Variants in LGR5 observed in about 807,000 individuals in gnomAD.
LGR5 encodes the protein leucine rich repeat containing G protein-coupled receptor 5, also known as leucine-rich repeat-containing G protein-coupled receptor 5.
Under a neutral mutation model 76.7 loss-of-function variants are expected in LGR5, and 54 were observed. That is an observed-to-expected ratio of 0.70 (90% confidence interval 0.57 to 0.88). LGR5 has a LOEUF of 0.88. Among genes scored for constraint, LGR5 ranks in the 40% least tolerant of loss-of-function variants. The pLI is 0.00. For missense variants in LGR5, 1,078 were observed against 1,073.3 expected (o/e 1.00, Z -0.06); for synonymous variants, 406 against 421.9 (o/e 0.96, Z 0.46).
intron 1 of LGR5, among the ~76,000 whole-genome samples, chr12:71,483,953 T>G (rs1873720375): frequency 1.3e-5 from 2 of 152,190 alleles, no homozygotes; most frequent in South Asian, 4.1e-4. Context: ...AGTATGGAGA[T>G]GTATTAATCA....
intron 1 of LGR5, among the ~76,000 whole-genome samples, chr12:71,451,879 C>A (rs1872264925): frequency 6.6e-6 from 1 of 152,088 alleles, no homozygotes; most frequent in Admixed American, 6.5e-5. Flanking sequence ...CTTTCATATG[C>A]AAACCAACCA....
chr12:71,457,379 G>C (rs1872525083), intron 1 of LGR5, among the ~76,000 whole-genome samples: 1 of 152,088 alleles, frequency 6.6e-6, no homozygotes, highest in South Asian at 2.1e-4. Context: ...CTTTGATCAG[G>C]AAGATAAACT....
At position 71,585,148 on chromosome 12, in the gene LGR5, G is replaced by A. The variant is rs1013718041; in HGVS notation, c.*414G>A. The A allele has an allele frequency of 6.1e-6, 1 of 164,492 alleles. No individual in the cohort carries two copies. Among genetic ancestry groups the A allele is most frequent in the African/African-American group, 2.4e-5 (1 of 41,632 alleles). 10.2% of individuals were successfully genotyped at this position (164,492 alleles called of 1,614,324 possible). On this transcript the variant is annotated 3_prime_UTR_variant, in exon 18 of 18. Transcript: ENST00000266674. ...CTCAAGAGGTTGTTGGGGGAATTAG[G>A]AAAATAAGGGTTTTCAATGACCTAC...
At chr12:71,562,188 T>C (rs557783685) in intron 8 of LGR5, among the ~76,000 whole-genome samples, 1 of 152,334 alleles carries the variant, frequency 6.6e-6, no homozygotes, top group Admixed American at 6.5e-5. Context: ...CATTCTGAAC[T>C]TAAACCCGAG....
At chr12:71,528,508 T>C (rs1197288829) in intron 3 of LGR5, among the ~76,000 whole-genome samples, 1 of 152,034 alleles carries the variant, frequency 6.6e-6, no homozygotes, top group Non-Finnish European at 1.5e-5. Context: ...GTAGAAGAAT[T>C]ACCTCAAAAG....
At chr12:71,484,350 T>C (rs1873737558) in intron 1 of LGR5, among the ~76,000 whole-genome samples, 1 of 152,198 alleles carries the variant, frequency 6.6e-6, no homozygotes, top group African/African-American at 2.4e-5. Context: ...TTTTGAGATA[T>C]GTAGAACTGT....
chr12:71,553,345 T>G, intron 5 of LGR5, 57 bp downstream of exon 5: 1 of 1,468,994 alleles, frequency 6.8e-7, no homozygotes, highest in South Asian at 1.1e-5. Context: ...TGGAAGACCT[T>G]GGCCTTAAAA....
intron 3 of LGR5, among the ~76,000 whole-genome samples, chr12:71,532,447 T>C (rs1003401318): frequency 2.0e-5 from 3 of 152,176 alleles, no homozygotes; most frequent in South Asian, 2.1e-4. Context: ...GAAATTTTAA[T>C]TGAATCTAAA....
intron 2 of LGR5, among the ~76,000 whole-genome samples, chr12:71,508,751 T>TC (rs1416956656): frequency 3.2e-3 from 111 of 34,212 alleles, no homozygotes; most frequent in Non-Finnish European, 4.8e-3. Context: ...AGACTCAGTC[T>TC]CAAAAAAAAA....
At chr12:71,488,650 G>A (rs1361947647) in intron 1 of LGR5, among the ~76,000 whole-genome samples, 2 of 152,148 alleles carry the variant, frequency 1.3e-5, no homozygotes, top group Non-Finnish European at 2.9e-5. Flanking sequence ...AGATACATGA[G>A]GCTCTATTTT....
intron 1 of LGR5, among the ~76,000 whole-genome samples, chr12:71,492,677 G>A (rs1874126330): frequency 6.6e-6 from 1 of 152,174 alleles, no homozygotes; most frequent in Non-Finnish European, 1.5e-5. Context: ...AACAGAGGAA[G>A]TTAGGGACTG....
chr12:71,493,272 A>C (rs894071637), intron 1 of LGR5, among the ~76,000 whole-genome samples: 2 of 151,166 alleles, frequency 1.3e-5, no homozygotes, highest in Non-Finnish European at 2.9e-5. Context: ...TCCTTTCCTC[A>C]GGCTTATCCC....
chr12:71,478,263 C>T (rs572207604), intron 1 of LGR5, among the ~76,000 whole-genome samples: 2 of 152,226 alleles, frequency 1.3e-5, no homozygotes, highest in African/African-American at 4.8e-5. Context: ...CTTATTGGCT[C>T]TTGAGAGGCT....
intron 4 of LGR5, among the ~76,000 whole-genome samples, chr12:71,548,669 C>T (rs1877319716): frequency 6.6e-6 from 1 of 151,882 alleles, no homozygotes; most frequent in South Asian, 2.1e-4. Context: ...AGAAAGCAAC[C>T]CTATAAGATG....
intron 6 of LGR5, among the ~76,000 whole-genome samples, chr12:71,559,212 T>C (rs370684329): frequency 2.6e-4 from 39 of 152,236 alleles, no homozygotes; most frequent in East Asian, 1.5e-3. Flanking sequence ...GGAGTGCAAA[T>C]TCACGCTGGC....
At chr12:71,538,986 T>G (rs906849446) in intron 4 of LGR5, among the ~76,000 whole-genome samples, 1 of 152,250 alleles carries the variant, frequency 6.6e-6, no homozygotes, top group Non-Finnish European at 1.5e-5. Context: ...GAAAACAGCT[T>G]GCATGCCTAT....
chr12:71,445,953 T>C (rs1164328828), intron 1 of LGR5, among the ~76,000 whole-genome samples: 1 of 152,202 alleles, frequency 6.6e-6, no homozygotes, highest in Non-Finnish European at 1.5e-5. Context: ...AACAACTTCC[T>C]GAAAGTCAGA....
In LGR5 at chr12:71,575,796, CA is replaced by C. The variant is rs1294624098; in HGVS notation, c.1209-2128del. On this transcript the variant is annotated intron_variant, in intron 13 of 17. Coordinates refer to ENST00000266674, the MANE Select transcript of LGR5 (RefSeq NM_003667.4). ...ATAAAGATACATGCACACATATGTT[CA>C]TTGCAGCACTATTCACAATAGCAAA... is the stretch of plus-strand genomic sequence containing the variant. Among the ~76,000 whole-genome samples, 6 of 151,094 alleles carry C rather than the reference CA, an allele frequency of 4.0e-5. No individual in the cohort carries two copies. In the East Asian group the frequency reaches 1.2e-3, roughly 29 times the overall value.
At chr12:71,582,204 G>A (rs990887910) in intron 16 of LGR5, 3 of 416,538 alleles carry the variant, frequency 7.2e-6, no homozygotes, top group African/African-American at 6.0e-5. Flanking sequence ...AACACGAGCA[G>A]AATGAGAGTT....
Sources: gnomAD v4.1 joint callset for allele counts (sites outside exome capture counted in the v4.1 genomes callset) on GRCh38, gnomAD v4.1.1 for gene constraint, MANE v1.5 for transcripts, NCBI Gene and HGNC (gene_info 2026-07-23, HGNC 2026-07-21) for gene names.